The following TENM3 variants were observed in gnomAD, a reference collection of about 807,000 sequenced individuals.
The protein encoded by TENM3 is teneurin transmembrane protein 3.
Under a neutral mutation model 255.1 loss-of-function variants are expected in TENM3, and 63 were observed. The observed-to-expected ratio is 0.25, with a 90% CI of 0.20 to 0.30. The LOEUF (loss-of-function observed/expected upper bound fraction) is 0.30, where lower values mean the gene tolerates loss of function less well. Among genes scored for constraint, TENM3 ranks in the 10% least tolerant of loss-of-function variants. The probability of loss-of-function intolerance (pLI) is 1.00; values close to 1 mark genes in which losing one functional copy is unlikely to be tolerated. For synonymous variants in TENM3, 1,306 were observed against 1,322.3 expected, an observed-to-expected ratio of 0.99 and a Z score of 0.27; for missense variants, 2,929 against 3,461.1, an observed-to-expected ratio of 0.85 and a Z score of 3.86.
the TENM3 span, among the ~76,000 whole-genome samples, chr4:181,782,730 T>A: frequency 1.3e-5 from 2 of 152,238 alleles, no homozygotes; most frequent in African/African-American, 4.8e-5. Flanking sequence ...CAATTTTAGA[T>A]CTTTCCTGCT....
intron 5 of TENM3, among the ~76,000 whole-genome samples, chr4:182,648,800 ATATACATGAACT>A (rs1164972862): frequency 3.9e-5 from 6 of 152,052 alleles, no homozygotes; most frequent in Non-Finnish European, 8.8e-5. Context: ...TTTGAACTTT[ATATACATGAACT>A]TATACAGTAT....
chr4:181,547,789 C>G, the TENM3 span, among the ~76,000 whole-genome samples: 1 of 151,830 alleles, frequency 6.6e-6, no homozygotes, highest in African/African-American at 2.4e-5. Flanking sequence ...TTGTAATTTC[C>G]ATTGATATTT....
chr4:181,870,856 C>T, the TENM3 span, among the ~76,000 whole-genome samples: 10 of 151,754 alleles, frequency 6.6e-5, no homozygotes, highest in Non-Finnish European at 1.5e-4. Flanking sequence ...TTTCTGTATC[C>T]TCTCTAAAAA....
chr4:182,006,076 G>T, the TENM3 span, among the ~76,000 whole-genome samples: 12 of 152,120 alleles, frequency 7.9e-5, no homozygotes, highest in East Asian at 1.4e-3. Context: ...TTGCCTGATT[G>T]CCCTGGCCAG....
At chr4:181,770,641 C>G in the TENM3 span, among the ~76,000 whole-genome samples, 1 of 140,774 alleles carries the variant, frequency 7.1e-6, no homozygotes, top group Admixed American at 7.6e-5. Context: ...AGCTACTGCA[C>G]TCCAGCCTGG....
At position 182,161,899 on chromosome 4, in the gene TENM3, A is replaced by ATATATGTG. The variant is rs1561154229; in HGVS notation, c.-76+17150_-76+17151insGTGTATAT. On this transcript the variant is annotated intron_variant, in intron 1 of 2. Transcript: ENST00000512480. ...TATATATATACACACATATATGTGT[A>ATATATGTG]TATATACACACACATGTATGTGTAT... Among the ~76,000 whole-genome samples the ATATATGTG allele has an allele frequency of 4.6e-4, 17 of 36,628 alleles. 2 individuals are homozygous for ATATATGTG. The highest frequency in any genetic ancestry group is 1.3e-3 in the Admixed American group (3 of 2,228). The allele number at this position is 36,628 out of a possible 152,430, so 24.0% of individuals were successfully genotyped here.
intron 1 of TENM3, among the ~76,000 whole-genome samples, chr4:182,172,678 A>G (rs1385037023): frequency 6.6e-6 from 1 of 152,180 alleles, no homozygotes; most frequent in Admixed American, 6.5e-5. Flanking sequence ...CTGAATTTAA[A>G]ATTATTTATT....
chr4:181,767,931 G>C, the TENM3 span, among the ~76,000 whole-genome samples: 1 of 144,284 alleles, frequency 6.9e-6, no homozygotes, highest in Non-Finnish European at 1.5e-5. Context: ...TCAGGTTTAA[G>C]AAAAATCTAT....
At chr4:181,812,864 T>C in the TENM3 span, among the ~76,000 whole-genome samples, 5 of 152,134 alleles carry the variant, frequency 3.3e-5, no homozygotes, top group South Asian at 2.1e-4. Context: ...AGAAGTCCTC[T>C]ACTAGGGCTA....
intron 1 of TENM3, among the ~76,000 whole-genome samples, chr4:182,309,516 C>T (rs1762319716): frequency 6.6e-6 from 1 of 152,198 alleles, no homozygotes; most frequent in Non-Finnish European, 1.5e-5. Flanking sequence ...CATTCCTCCT[C>T]TTGAAAGTCC....
At chr4:181,925,463 A>C in the TENM3 span, among the ~76,000 whole-genome samples, 1 of 152,230 alleles carries the variant, frequency 6.6e-6, no homozygotes. Flanking sequence ...ATTACACATA[A>C]TTTACAATTC....
chr4:181,816,766 A>G, the TENM3 span, among the ~76,000 whole-genome samples: 1 of 152,170 alleles, frequency 6.6e-6, no homozygotes, highest in East Asian at 1.9e-4. Context: ...GTAGATTCTA[A>G]GAAATATTTT....
the TENM3 span, among the ~76,000 whole-genome samples, chr4:182,073,332 G>A: frequency 6.6e-6 from 1 of 152,188 alleles, no homozygotes; most frequent in Middle Eastern, 3.2e-3. Context: ...CCCACAACAT[G>A]TGGGGATTAT....
chr4:182,055,630 C>T, the TENM3 span, among the ~76,000 whole-genome samples: 2 of 152,126 alleles, frequency 1.3e-5, no homozygotes, highest in Non-Finnish European at 2.9e-5. Flanking sequence ...TAATTTCCTG[C>T]TCTCTTATTC....
chr4:181,662,347 T>G, the TENM3 span, among the ~76,000 whole-genome samples: 1 of 152,356 alleles, frequency 6.6e-6, no homozygotes, highest in South Asian at 2.1e-4. Context: ...CATTTGATTT[T>G]AACAATTTGC....
intron 7 of TENM3, among the ~76,000 whole-genome samples, chr4:182,674,842 A>AT (rs1042545535): frequency 1.8e-4 from 28 of 151,980 alleles, no homozygotes; most frequent in African/African-American, 6.0e-4. Context: ...AAGGACTGGG[A>AT]TTACAGGCAT....
chr4:181,625,456 C>A, the TENM3 span, among the ~76,000 whole-genome samples: 3,793 of 152,232 alleles, frequency 0.025, 62 homozygotes, highest in Admixed American at 0.06. Context: ...ACTATCTCTG[C>A]CTGCTTGCGG....
At chr4:181,512,617 T>C in the TENM3 span, among the ~76,000 whole-genome samples, 1 of 152,218 alleles carries the variant, frequency 6.6e-6, no homozygotes, top group Non-Finnish European at 1.5e-5. Context: ...CGTCGCTAAC[T>C]CATTTGTCAC....
chr4:182,564,819 G>C (rs1317196350), intron 3 of TENM3, among the ~76,000 whole-genome samples: 1 of 151,962 alleles, frequency 6.6e-6, no homozygotes, highest in Non-Finnish European at 1.5e-5. Context: ...TCTTCTTTTA[G>C]CTTCACAGAA....
Sources: allele counts gnomAD v4.1 joint callset (sites outside exome capture counted in the v4.1 genomes callset), GRCh38; gene constraint gnomAD v4.1.1; transcripts MANE v1.5; gene names NCBI Gene and HGNC (gene_info 2026-07-23, HGNC 2026-07-21).